Variants in TDRKH observed in about 807,000 individuals in gnomAD.
TDRKH encodes tudor and KH domain-containing protein.
In TDRKH, 28 loss-of-function variants were observed where a neutral mutation model predicts 61.3. That is an observed-to-expected ratio of 0.46 (90% CI 0.34 to 0.63). TDRKH has a LOEUF of 0.63. TDRKH is among the 20% of genes least tolerant of loss of function. TDRKH has a pLI of 0.01. For missense variants in TDRKH, 540 were observed against 683.4 expected, an observed-to-expected ratio of 0.79 and a Z score of 2.34; for synonymous variants, 219 against 244.4, an observed-to-expected ratio of 0.90 and a Z score of 0.97.
chr1:151,774,825 G>A lies in TDRKH; in HGVS notation c.1537-19C>T, dbSNP rs1250496249. 2 of 1,608,642 alleles carry A rather than the reference G, an allele frequency of 1.2e-6. No homozygotes were observed. Among genetic ancestry groups the A allele is most frequent in the African/African-American group, 2.7e-5 (2 of 74,526 alleles). On this transcript the variant is annotated intron_variant, in intron 11 of 12. Coordinates refer to ENST00000368824, the MANE Select transcript of TDRKH (RefSeq NM_001083965.2). ...CTGTGGCCTGAGTGGATGAAAACAG[G>A]AAAAAAGGAGGAACATGTTGGCTTT...
Position 151,776,113 on chromosome 1 carries a change from CT to C in TDRKH, c.1199del (p.Lys400ArgfsTer11). 1 of 1,613,662 alleles carries C rather than the reference CT, an allele frequency of 6.2e-7. No individual in the cohort carries two copies. Among genetic ancestry groups the C allele is most frequent in the African/African-American group, 1.3e-5 (1 of 75,022 alleles). ...GCACTGACCTGAGAGCCCTGAGGTC[CT>C]TCAGTGGGCAATCTCCATTATCTCC... ...DFGDNGDCPLKDLRALRSDFL... is the reference protein window; with the variant it reads ...DFGDNGDCPLXDLRALRSDFL... On this transcript the variant is annotated frameshift_variant, in exon 8 of 13. Transcript: ENST00000368824. LOFTEE classifies it high-confidence loss of function.
intron 3 of TDRKH, among the ~76,000 whole-genome samples, 157 bp downstream of exon 3, chr1:151,781,324 A>ATATATATATATATATATATATATATATAT (rs1558145922): frequency 5.8e-4 from 11 of 18,836 alleles, no homozygotes; most frequent in Admixed American, 9.2e-4. Flanking sequence ...TCTCAAAAAA[A>ATATATATATATATATATATATATATATAT]AAAAATATAT....
Position 151,778,681 on chromosome 1 carries a change from A to G in TDRKH, c.883+4T>C, listed in dbSNP as rs1456606592. ...GATTAATGGGCTCCCTCTTTGTTAC[A>G]TACTTTCAAACATGGGCATCTCTGG... On this transcript the variant is annotated splice_donor_region_variant and intron_variant, in intron 6 of 12. Coordinates refer to ENST00000368824, the MANE Select transcript of TDRKH (RefSeq NM_001083965.2). The G allele has an allele frequency of 1.2e-6, 2 of 1,611,476 alleles. No individual in the cohort carries two copies. The highest frequency in any genetic ancestry group is 1.7e-6 in the Non-Finnish European group (2 of 1,178,886).
chr1:151,786,871 G>C (rs1040287295), intron 1 of TDRKH, among the ~76,000 whole-genome samples: 3 of 152,150 alleles, frequency 2.0e-5, no homozygotes, highest in African/African-American at 7.2e-5. Context: ...ATCAATCTGA[G>C]GGAATACTGT....
Position 151,775,854 on chromosome 1 carries a change from T to C in TDRKH, c.1248A>G (p.Ala416=), listed in dbSNP as rs1649111852. 6.2e-7 allele frequency: 1 copy of C among 1,613,574 alleles called. No individual in the cohort carries two copies. The highest frequency in any genetic ancestry group is 1.3e-5 in the African/African-American group (1 of 74,906). ...CAATCCGTGCCAGACTACATTCTAT[T>C]GCTTGAAATGGAAGGCTTAGGAAGT... The part of the protein sequence containing the change: ...RSDFLSLPFQ[A]IECSLARIAP... The change falls in exon 9 of 13, where the codon GCA becomes GCG. Residue 416 remains alanine (A), a synonymous_variant. Transcript: ENST00000368824.
At chr1:151,783,123 C>T in intron 1 of TDRKH, 74 bp from the exon 2 acceptor site, 2 of 1,382,464 alleles carry the variant, frequency 1.4e-6, no homozygotes, top group Admixed American at 4.9e-5. Context: ...GGCATGGGAG[C>T]ACATTATTAC....
intron 2 of TDRKH, 182 bp downstream of exon 2, chr1:151,782,717 C>A: frequency 1.6e-6 from 1 of 607,976 alleles, no homozygotes; most frequent in Non-Finnish European, 2.5e-6. Flanking sequence ...CTACAGTGAG[C>A]CAAGATTGTG....
At chr1:151,780,944 G>T (rs1004392028) in intron 3 of TDRKH, among the ~76,000 whole-genome samples, 2 of 151,912 alleles carry the variant, frequency 1.3e-5, no homozygotes, top group African/African-American at 4.8e-5. Context: ...CTTTCTCTAG[G>T]GAGAAGTACT....
chr1:151,767,937 G>T (rs1648421612), downstream of TDRKH: 2 of 1,271,368 alleles, frequency 1.6e-6, no homozygotes. Context: ...GCATCTTTAA[G>T]ATCTTGGCTC....
intron 6 of TDRKH, among the ~76,000 whole-genome samples, chr1:151,778,269 C>T (rs536954474): frequency 6.6e-6 from 1 of 152,170 alleles, no homozygotes; most frequent in African/African-American, 2.4e-5. Flanking sequence ...TTGGTTAATT[C>T]ATTTTTGTTA....
chr1:151,775,670 C>G, intron 9 of TDRKH, 127 bp from the exon 10 acceptor site: 1 of 1,492,410 alleles, frequency 6.7e-7, no homozygotes, highest in Non-Finnish European at 9.1e-7. Flanking sequence ...GTCTGCCAGG[C>G]AAGTTTCTGG....
intron 1 of TDRKH, among the ~76,000 whole-genome samples, chr1:151,786,031 A>C (rs1650279225): frequency 6.6e-6 from 1 of 152,240 alleles, no homozygotes; most frequent in Non-Finnish European, 1.5e-5. Flanking sequence ...AATAAACAAA[A>C]ATGTATTTCA....
At position 151,783,238 on chromosome 1, in the gene TDRKH, G is replaced by T. The variant is rs1050911995; in HGVS notation, c.-27-189C>A. 55 of 368,712 alleles carry T rather than the reference G, an allele frequency of 1.5e-4. 1 individual carries two copies. Among genetic ancestry groups the T allele is most frequent in the Middle Eastern group, 7.8e-4 (1 of 1,286 alleles). The allele number at this position is 368,712 out of a possible 1,614,324, so 22.8% of individuals were successfully genotyped here. ...GGGTATTTTTTAAAAGTTAGCTAAG[G>T]TACACATAGAATTAAATAGAAGCAT... is the stretch of plus-strand genomic sequence containing the variant. On this transcript the variant is annotated intron_variant, in intron 1 of 12. Coordinates refer to ENST00000368824, the MANE Select transcript of TDRKH (RefSeq NM_001083965.2).
chr1:151,767,260 C>T (rs539535190), downstream of TDRKH: 47 of 1,613,840 alleles, frequency 2.9e-5, no homozygotes, highest in Middle Eastern at 1.8e-3. Flanking sequence ...GCAAAAGCAC[C>T]GAGCAGGGTA....
Position 151,783,042 on chromosome 1 carries a change from C to T in TDRKH, c.-20G>A, listed in dbSNP as rs1186892977. The T allele has an allele frequency of 2.1e-5, 33 of 1,607,958 alleles. No homozygotes were observed. In the East Asian group the frequency reaches 7.2e-4, roughly 35 times the overall value. ...AGACATTTTCTGCTGTACTCTTTGA[C>T]TTATATCCTGAAACAAGCAAAGCAG... On this transcript the variant is annotated 5_prime_UTR_variant, in exon 2 of 13. Coordinates refer to ENST00000368824, the MANE Select transcript of TDRKH (RefSeq NM_001083965.2).
intron 6 of TDRKH, 48 bp from the exon 7 acceptor site, chr1:151,776,647 T>C (rs1649213973): frequency 6.3e-7 from 1 of 1,599,536 alleles, no homozygotes; most frequent in East Asian, 2.2e-5. Flanking sequence ...CATCTCTGGT[T>C]GGAATGAAGA....
At chr1:151,770,202 GA>G, downstream of TDRKH, 1 of 1,613,920 alleles carries the variant, frequency 6.2e-7, no homozygotes, top group Non-Finnish European at 8.5e-7. Context: ...ACGTGGAAGA[GA>G]AGACAAATGT....
chr1:151,779,347 T>C (rs927469462), intron 4 of TDRKH, 105 bp from the exon 5 acceptor site: 1 of 1,417,310 alleles, frequency 7.1e-7, no homozygotes, highest in Non-Finnish European at 9.4e-7. Context: ...TCAGTTCTCA[T>C]TTCTAAAGTG....
At chr1:151,769,532 G>C, downstream of TDRKH, 3 of 185,960 alleles carry the variant, frequency 1.6e-5, no homozygotes, top group South Asian at 9.7e-5. Flanking sequence ...GGGTAGAGGC[G>C]CTCCCCACAT....
Sources: gnomAD v4.1 joint callset for allele counts (sites outside exome capture counted in the v4.1 genomes callset) on GRCh38, gnomAD v4.1.1 for gene constraint, MANE v1.5 for transcripts, NCBI Gene and HGNC (gene_info 2026-07-23, HGNC 2026-07-21) for gene names.